Variants in PRCP observed in about 807,000 individuals in gnomAD.
PRCP encodes lysosomal Pro-X carboxypeptidase.
In PRCP, 46 loss-of-function variants were observed where a neutral mutation model predicts 54.2. That is an observed-to-expected ratio of 0.85 (90% CI 0.67 to 1.09). The LOEUF (loss-of-function observed/expected upper bound fraction) is 1.09, where lower values mean the gene tolerates loss of function less well. PRCP is among the 50% of genes least tolerant of loss of function. PRCP has a pLI of 0.00. For synonymous variants in PRCP, 240 were observed against 212.2 expected (o/e 1.13, Z -1.14); for missense variants, 613 against 596.8 (o/e 1.03, Z -0.28).
chr11:82,875,544 G>C (rs1859582902), intron 1 of PRCP, among the ~76,000 whole-genome samples: 1 of 152,204 alleles, frequency 6.6e-6, no homozygotes, highest in African/African-American at 2.4e-5. Context: ...AGCCTCCTCA[G>C]CAAAGACAAG....
intron 1 of PRCP, among the ~76,000 whole-genome samples, chr11:82,893,063 C>T (rs1390526183): frequency 1.3e-5 from 2 of 152,188 alleles, no homozygotes; most frequent in Non-Finnish European, 2.9e-5. Flanking sequence ...TGTCTCCCTA[C>T]CCTGTGATTG....
In PRCP at chr11:82,832,677, T is replaced by C. The variant is rs1858418022; in HGVS notation, c.1274+5710A>G. On this transcript the variant is annotated intron_variant, in intron 8 of 8. Coordinates refer to ENST00000313010, the MANE Select transcript of PRCP (RefSeq NM_005040.4). ...GTTGCCTGTTCACTCTGATGATAAT[T>C]TATTTTGCTGTGCAGAAGTCTTTAG... Among the ~76,000 whole-genome samples the C allele has an allele frequency of 3.9e-5, 6 of 152,264 alleles. No homozygotes were observed. The South Asian group carries it at 1.2e-3, about 31-fold the overall frequency.
Position 82,849,963 on chromosome 11 carries a change from T to C in PRCP, c.702A>G (p.Ser234=), listed in dbSNP as rs1858907016. The C allele has an allele frequency of 2.6e-6, 4 of 1,540,048 alleles. No homozygotes were observed. Among genetic ancestry groups the C allele is most frequent in the South Asian group, 1.3e-5 (1 of 79,978 alleles). The change falls in exon 5 of 9, where the codon TCA becomes TCG. Residue 234 remains serine, a synonymous_variant. Transcript: ENST00000313010. The part of the protein sequence containing the change: ...TDFRKSGPHC[S]ESIHRSWDAI... ...CATCCCAGGACCTGTGGATGCTCTC[T>C]GAACAATGTGGACCGCTTTTCCTAA...
At chr11:82,826,631 T>A (rs1291993625) in intron 8 of PRCP, 1 of 152,250 alleles carries the variant, frequency 6.6e-6, no homozygotes, top group Non-Finnish European at 1.5e-5. Context: ...ATCTGTCTAT[T>A]TTAGACATCC....
At chr11:82,900,166 G>A in intron 1 of PRCP, 69 bp downstream of exon 1, 1 of 1,558,034 alleles carries the variant, frequency 6.4e-7, no homozygotes, top group Non-Finnish European at 8.8e-7. Context: ...AGGCTCCGTT[G>A]CCCGGGCTCT....
chr11:82,825,623 G>GGGAAGGGAGGAAAGAA (rs1858209980), intron 8 of PRCP: 1 of 117,694 alleles, frequency 8.5e-6, no homozygotes, highest in Non-Finnish European at 2.0e-5. Context: ...GGAAGAAGGG[G>GGGAAGGGAGGAAAGAA]GAAAGGGAGG....
chr11:82,823,560 T>C lies in PRCP; in HGVS notation c.*1346A>G, dbSNP rs1858146576. Reference sequence around the variant, plus strand: ...ATGCCCTTAAAAAAAAAAAATGCCATAAAAATGATCAAGCTCAAGGTACAG... The same window carrying C: ...ATGCCCTTAAAAAAAAAAAATGCCACAAAAATGATCAAGCTCAAGGTACAG... On this transcript the variant is annotated 3_prime_UTR_variant, in exon 9 of 9. Transcript: ENST00000313010. The C allele has an allele frequency of 6.7e-6, 1 of 150,010 alleles. No individual in the cohort carries two copies. The highest frequency in any genetic ancestry group is 2.5e-5 in the African/African-American group (1 of 40,592). The allele number at this position is 150,010 out of a possible 1,614,324, so 9.3% of individuals were successfully genotyped here. A position where few individuals can be genotyped will look rare whatever the true frequency, so the allele number is the denominator to read the frequency against.
chr11:82,831,575 C>G (rs935144515), intron 8 of PRCP: 1 of 152,182 alleles, frequency 6.6e-6, no homozygotes, highest in African/African-American at 2.4e-5. Context: ...ACTTCAAAGC[C>G]TTAACAGAAA....
At chr11:82,852,806 G>A (rs561194266) in intron 3 of PRCP, among the ~76,000 whole-genome samples, 1 of 152,052 alleles carries the variant, frequency 6.6e-6, no homozygotes, top group African/African-American at 2.4e-5. Flanking sequence ...AGATAAATTT[G>A]TTATGCTCAT....
At chr11:82,855,108 G>C (rs1591051909) in intron 2 of PRCP, among the ~76,000 whole-genome samples, 1 of 152,140 alleles carries the variant, frequency 6.6e-6, no homozygotes, top group East Asian at 1.9e-4. Context: ...TACCATTCTG[G>C]ACATCAGCCT....
chr11:82,874,902 G>A (rs1447373861), intron 1 of PRCP, among the ~76,000 whole-genome samples: 1 of 151,850 alleles, frequency 6.6e-6, no homozygotes, highest in East Asian at 1.9e-4. Flanking sequence ...AAGCATTCCT[G>A]CCTTCTTTGT....
chr11:82,882,856 C>CAT (rs1859783150), intron 1 of PRCP, among the ~76,000 whole-genome samples: 1 of 134,982 alleles, frequency 7.4e-6, no homozygotes, highest in Admixed American at 7.4e-5. Flanking sequence ...ACCTGTGCAA[C>CAT]ACACACACAC....
At chr11:82,842,675 C>T (rs181280266) in intron 6 of PRCP, among the ~76,000 whole-genome samples, 315 of 152,216 alleles carry the variant, frequency 2.1e-3, no homozygotes, top group African/African-American at 7.2e-3. Flanking sequence ...ATGTTTAAGG[C>T]CCTTGGTACA....
intron 8 of PRCP, among the ~76,000 whole-genome samples, chr11:82,835,237 G>T (rs1224175917): frequency 1.3e-5 from 2 of 152,140 alleles, no homozygotes; most frequent in Non-Finnish European, 2.9e-5. Context: ...AAAATAGAAT[G>T]AGTCTAATAA....
chr11:82,874,230 A>T (rs1456038094), intron 1 of PRCP, among the ~76,000 whole-genome samples: 1 of 152,212 alleles, frequency 6.6e-6, no homozygotes, highest in African/African-American at 2.4e-5. Context: ...AGTTAGTGGG[A>T]TGTGTAAGTA....
At chr11:82,860,452 T>C (rs1012527671) in intron 1 of PRCP, among the ~76,000 whole-genome samples, 2 of 152,088 alleles carry the variant, frequency 1.3e-5, no homozygotes, top group Non-Finnish European at 2.9e-5. Context: ...TTTTAATGCA[T>C]TTTTAATTGG....
At chr11:82,849,889 T>C (rs776365989) in intron 5 of PRCP, 25 bp downstream of exon 5, 1 of 1,410,026 alleles carries the variant, frequency 7.1e-7, no homozygotes, top group Non-Finnish European at 9.3e-7. Flanking sequence ...AAACACACAA[T>C]TCCATTCTCT....
intron 6 of PRCP, among the ~76,000 whole-genome samples, chr11:82,844,534 C>T (rs913151808): frequency 4.0e-5 from 6 of 151,826 alleles, no homozygotes; most frequent in Non-Finnish European, 4.4e-5. Flanking sequence ...ATCAGGAGTT[C>T]GAAACCAGCC....
intron 2 of PRCP, among the ~76,000 whole-genome samples, chr11:82,857,835 T>C (rs925435743): frequency 7.9e-5 from 12 of 152,194 alleles, no homozygotes; most frequent in African/African-American, 2.9e-4. Flanking sequence ...GCCATTTATC[T>C]ACAGATCTTG....
Sources: allele counts gnomAD v4.1 joint callset (sites outside exome capture counted in the v4.1 genomes callset), GRCh38; gene constraint gnomAD v4.1.1; transcripts MANE v1.5; gene names NCBI Gene and HGNC (gene_info 2026-07-23, HGNC 2026-07-21).